CSAD: variants seen among roughly 807,000 people sequenced by gnomAD.
CSAD encodes the protein cysteine sulfinic acid decarboxylase.
In CSAD, 47 loss-of-function variants were observed where a neutral mutation model predicts 61.5. The observed-to-expected ratio is 0.76, with a 90% CI of 0.60 to 0.97. The LOEUF (loss-of-function observed/expected upper bound fraction) is 0.97, where lower values mean the gene tolerates loss of function less well. CSAD is among the 50% of genes least tolerant of loss of function. The probability of loss-of-function intolerance (pLI) is 0.00; values close to 1 mark genes in which losing one functional copy is unlikely to be tolerated. For missense variants in CSAD, 611 were observed against 643.6 expected, an observed-to-expected ratio of 0.95 and a Z score of 0.55; for synonymous variants, 245 against 252.7, an observed-to-expected ratio of 0.97 and a Z score of 0.29.
At position 53,161,123 on chromosome 12, in the gene CSAD, G is replaced by A; in HGVS notation, c.884+4C>T. 1 of 1,613,568 alleles carries A rather than the reference G, an allele frequency of 6.2e-7. No individual in the cohort carries two copies. Among genetic ancestry groups the A allele is most frequent in the Non-Finnish European group, 8.5e-7 (1 of 1,179,522 alleles). ...GGATTTGGGAAGAAGGGGACTGTATGCACCTCTGGATCCCATCCAGGAGAT... is the reference window on the plus strand; with the variant it reads ...GGATTTGGGAAGAAGGGGACTGTATACACCTCTGGATCCCATCCAGGAGAT... On this transcript the variant is annotated splice_donor_region_variant and intron_variant, in intron 12 of 16. Transcript: ENST00000444623.
intron 1 of CSAD, chr12:53,179,582 T>C (rs1275190743): frequency 3.8e-6 from 2 of 523,462 alleles, no homozygotes; most frequent in South Asian, 2.8e-5. Flanking sequence ...CTCCATTTTG[T>C]CTCTATTTTA....
rs754267377 is a variant in CSAD, at chr12:53,159,682, C to T, written c.1249G>A (p.Val417Ile). 5 of 1,611,166 alleles carry T rather than the reference C, an allele frequency of 3.1e-6. No individual in the cohort carries two copies. The highest frequency in any genetic ancestry group is 1.1e-5 in the South Asian group (1 of 90,240). ...PEFVNVCFWF[V>I]PPSLRGKQES... The stretch of plus-strand genomic sequence containing the variant: ...TGCTTCCCTCGCAGGCTGGGGGGTA[C>T]GAACCAGAAACACACATTGACAAAC... The change falls in exon 16 of 17, where the codon GTA (valine) becomes ATA (isoleucine). Residue 417 changes from valine to isoleucine, a missense_variant. By Grantham distance (29) the Val-to-Ile change is conservative. Transcript: ENST00000444623.
intron 9 of CSAD, 40 bp from the exon 10 acceptor site, chr12:53,170,166 C>T (rs962577528): frequency 6.3e-7 from 1 of 1,589,586 alleles, no homozygotes; most frequent in Non-Finnish European, 8.6e-7. Context: ...GGGACAGGTT[C>T]TCTGTTGAAG....
Position 53,179,467 on chromosome 12 carries a change from C to A in CSAD, c.-90-325G>T, listed in dbSNP as rs560382560. On this transcript the variant is annotated intron_variant, in intron 1 of 16. Transcript: ENST00000444623. ...GAGGGGGAGAATAACCATTTTGTGTCTTTTATACTTTTGCGTTGTGTCGAT... is the reference window on the plus strand; with the variant it reads ...GAGGGGGAGAATAACCATTTTGTGTATTTTATACTTTTGCGTTGTGTCGAT... Among the ~76,000 whole-genome samples, 4 of 152,254 alleles carry A rather than the reference C, an allele frequency of 2.6e-5. No homozygotes were observed. The East Asian group carries it at 5.8e-4, about 22-fold the overall frequency.
chr12:53,173,618 G>A, intron 3 of CSAD, 110 bp downstream of exon 3: 2 of 1,503,454 alleles, frequency 1.3e-6, no homozygotes, highest in South Asian at 1.2e-5. Context: ...AAGGGCAAGT[G>A]AGAGTGCCCA....
At chr12:53,177,487 C>G (rs1592365177) in intron 2 of CSAD, among the ~76,000 whole-genome samples, 2 of 151,438 alleles carry the variant, frequency 1.3e-5, no homozygotes, top group Non-Finnish European at 3.0e-5. Flanking sequence ...AGGATATGAA[C>G]AGACAGTTTA....
rs773597668 is a variant in CSAD at position 53,158,479 on chromosome 12, G to A, written c.*32C>T. 2 of 1,600,212 alleles carry A rather than the reference G, an allele frequency of 1.2e-6. No individual in the cohort carries two copies. The highest frequency in any genetic ancestry group is 1.3e-5 in the African/African-American group (1 of 74,642). ...TGCAGTGACTCTGCGGGTGAGGGGTGGTATCAAGGCCGGCAGCAAGACAGA... is the reference window on the plus strand; with the variant it reads ...TGCAGTGACTCTGCGGGTGAGGGGTAGTATCAAGGCCGGCAGCAAGACAGA... On this transcript the variant is annotated 3_prime_UTR_variant, in exon 17 of 17. Coordinates refer to ENST00000444623, the MANE Select transcript of CSAD (RefSeq NM_001244705.2).
At chr12:53,181,287 C>G (rs1941617906), upstream of CSAD, 1 of 985,334 alleles carries the variant, frequency 1.0e-6, no homozygotes. Context: ...CTGCCCGCCA[C>G]CGAAGCACCC....
chr12:53,172,816 A>G (rs1237971085), intron 4 of CSAD, among the ~76,000 whole-genome samples, 168 bp from the exon 5 acceptor site: 1 of 152,266 alleles, frequency 6.6e-6, no homozygotes, highest in East Asian at 1.9e-4. Flanking sequence ...AGTAAGACCC[A>G]GAATGTAAAT....
intron 16 of CSAD, among the ~76,000 whole-genome samples, chr12:53,159,018 A>C (rs1938915470): frequency 6.6e-6 from 1 of 152,198 alleles, no homozygotes; most frequent in African/African-American, 2.4e-5. Flanking sequence ...AGCCTTAGTC[A>C]ACACCTTCTT....
At chr12:53,170,260 G>C in intron 9 of CSAD, 134 bp from the exon 10 acceptor site, 1 of 987,070 alleles carries the variant, frequency 1.0e-6, no homozygotes. Flanking sequence ...GGGCAGAGGT[G>C]GGAGACGCTG....
chr12:53,172,730 C>G, intron 4 of CSAD, 82 bp from the exon 5 acceptor site: 1 of 1,444,212 alleles, frequency 6.9e-7, no homozygotes, highest in East Asian at 2.4e-5. Flanking sequence ...ACACGAGACA[C>G]GGCCAACCTG....
rs751474281 is a variant in CSAD, at chr12:53,160,774, G to A, written c.955C>T (p.Gln319Ter). The A allele has an allele frequency of 6.4e-7, 1 of 1,551,696 alleles. No homozygotes were observed. Among genetic ancestry groups the A allele is most frequent in the South Asian group, 1.2e-5 (1 of 84,064 alleles). Residue 319 changes from glutamine to a stop codon, truncating the protein, a stop_gained, in exon 13 of 17, where the codon CAG (glutamine) becomes TAG (stop). Coordinates refer to ENST00000444623, the MANE Select transcript of CSAD (RefSeq NM_001244705.2). LOFTEE classifies it high-confidence loss of function. ...AGLQCSALLL[Q>*]DTSNLLKRCH... ...AGGGGCAGACCCACCGAGGTATCCT[G>A]GAGAAGAAGTGCAGAGCATTGCAGG...
Position 53,158,447 on chromosome 12 carries a change from G to A in CSAD, c.*64C>T. 1 of 1,539,476 alleles carries A rather than the reference G, an allele frequency of 6.5e-7. No homozygotes were observed. Among genetic ancestry groups the A allele is most frequent in the South Asian group, 1.2e-5 (1 of 84,316 alleles). On this transcript the variant is annotated 3_prime_UTR_variant, in exon 17 of 17. Transcript: ENST00000444623. The stretch of plus-strand genomic sequence containing the variant: ...CACTGCACCCGGCCTCAAAGGCTGG[G>A]AGGGAATGCAGTGACTCTGCGGGTG...
chr12:53,175,481 C>A (rs917451731), intron 2 of CSAD, among the ~76,000 whole-genome samples: 5 of 152,194 alleles, frequency 3.3e-5, no homozygotes, highest in Non-Finnish European at 7.4e-5. Flanking sequence ...AGTGGCTCCA[C>A]ACCCACATTA....
chr12:53,180,434 C>T (rs1941489110), intron 1 of CSAD: 1 of 1,175,032 alleles, frequency 8.5e-7, no homozygotes, highest in Non-Finnish European at 1.1e-6. Flanking sequence ...GAGCACCCAG[C>T]GTACAATCAT....
Position 53,175,280 on chromosome 12 carries a change from G to A in CSAD, c.-49-1510C>T, listed in dbSNP as rs75249111. Among the ~76,000 whole-genome samples the A allele has an allele frequency of 3.5e-4, 54 of 152,304 alleles. 2 individuals carry two copies. In the East Asian group the frequency reaches 8.9e-3, roughly 25 times the overall value. On this transcript the variant is annotated intron_variant, in intron 2 of 16. Transcript: ENST00000444623. ...AGCTGGTGCAGGAAAAGACTCAGCA[G>A]GAGTCATTGCAATGCTATTTGAATA... is the stretch of plus-strand genomic sequence containing the variant.
At chr12:53,160,717 G>A (rs1265997959) in intron 13 of CSAD, 46 bp downstream of exon 13, 1 of 1,467,420 alleles carries the variant, frequency 6.8e-7, no homozygotes, top group East Asian at 2.5e-5. Context: ...AGAAGGCAGA[G>A]CTCCAGAGAG....
intron 2 of CSAD, chr12:53,178,501 T>G (rs556527106): frequency 2.8e-6 from 1 of 356,306 alleles, no homozygotes; most frequent in South Asian, 2.0e-5. Flanking sequence ...TTAAACAGAA[T>G]GAAAATAGGG....
Sources: gnomAD v4.1 joint callset for allele counts (sites outside exome capture counted in the v4.1 genomes callset) on GRCh38, gnomAD v4.1.1 for gene constraint, MANE v1.5 for transcripts, NCBI Gene and HGNC (gene_info 2026-07-23, HGNC 2026-07-21) for gene names.